The following CRISPLD2 variants were observed in gnomAD, a reference collection of about 807,000 sequenced individuals.
The protein encoded by CRISPLD2 is cysteine rich secretory protein LCCL domain containing 2, also known as cysteine-rich secretory protein LCCL domain-containing 2.
In CRISPLD2, 47 loss-of-function variants were observed where a neutral mutation model predicts 71.1. The observed-to-expected ratio is 0.66, with a 90% CI of 0.52 to 0.84. The LOEUF (loss-of-function observed/expected upper bound fraction) is 0.84. Ranked by LOEUF, CRISPLD2 falls within the 40% of genes least tolerant of loss-of-function variation. CRISPLD2 has a pLI of 0.00. For synonymous variants in CRISPLD2, 317 were observed against 250.1 expected (o/e 1.27, Z -2.52); for missense variants, 830 against 651.1 (o/e 1.27, Z -2.99).
intron 2 of CRISPLD2, among the ~76,000 whole-genome samples, chr16:84,843,769 AG>A (rs1916838105): frequency 6.6e-6 from 1 of 152,258 alleles, no homozygotes; most frequent in Admixed American, 6.5e-5. Context: ...ACAGTATGCA[AG>A]GCAGGAAGAG....
intron 1 of CRISPLD2, among the ~76,000 whole-genome samples, chr16:84,831,176 A>G (rs958442947): frequency 1.3e-5 from 2 of 152,208 alleles, no homozygotes; most frequent in Admixed American, 1.3e-4. Context: ...AAGAGGACAG[A>G]GCTCCATGAC....
At chr16:84,833,074 C>A (rs1046709701) in intron 1 of CRISPLD2, among the ~76,000 whole-genome samples, 7 of 152,226 alleles carry the variant, frequency 4.6e-5, no homozygotes, top group African/African-American at 1.4e-4. Flanking sequence ...TTTAAACTAG[C>A]CACACAGTCT....
At chr16:84,835,002 C>G (rs1448285707) in intron 1 of CRISPLD2, among the ~76,000 whole-genome samples, 1 of 152,150 alleles carries the variant, frequency 6.6e-6, no homozygotes. Context: ...AGCTCAAACC[C>G]ATAGCTGTGT....
At chr16:84,844,998 A>G (rs1041475466) in intron 2 of CRISPLD2, among the ~76,000 whole-genome samples, 1 of 152,106 alleles carries the variant, frequency 6.6e-6, no homozygotes. Flanking sequence ...CAGCATTCAG[A>G]GCGCCAATCC....
At position 84,820,079 on chromosome 16, in the gene CRISPLD2, C is replaced by G. The variant is rs917248860; in HGVS notation, c.-129C>G. The G allele has an allele frequency of 3.3e-5, 5 of 152,532 alleles. No homozygotes were observed. In the East Asian group the frequency reaches 5.8e-4, roughly 18 times the overall value. The allele number at this position is 152,532 out of a possible 1,614,324, so 9.4% of individuals were successfully genotyped here. A position where few individuals can be genotyped will look rare whatever the true frequency, so the allele number is the denominator to read the frequency against. ...GTGCCCGCGCTGTCGCCGCTGCTAC[C>G]GCGTCTGCTGGACGCGGGAGACGCC... On this transcript the variant is annotated 5_prime_UTR_variant, in exon 1 of 15. Transcript: ENST00000262424.
intron 12 of CRISPLD2, 54 bp from the exon 13 acceptor site, chr16:84,880,455 G>C (rs2071558186): frequency 8.6e-6 from 12 of 1,390,816 alleles, no homozygotes; most frequent in African/African-American, 1.4e-5. Flanking sequence ...GCCAGCTTAA[G>C]AAGTTTGGTT....
Position 84,880,604 on chromosome 16 carries a change from A to C in CRISPLD2, c.1305+20A>C. On this transcript the variant is annotated intron_variant, in intron 13 of 14. Transcript: ENST00000262424. ...GCAGATGTGAGTAGGATGCATTTTC[A>C]ACAACTATCTCGCAAAGCCTGTTAA... 6.2e-7 allele frequency: 1 copy of C among 1,606,320 alleles called. No homozygotes were observed.
intron 13 of CRISPLD2, among the ~76,000 whole-genome samples, chr16:84,885,943 C>T (rs907404977): frequency 9.2e-5 from 14 of 151,722 alleles, no homozygotes; most frequent in Admixed American, 5.9e-4. Context: ...CTCAGCCACC[C>T]GTGTAGCTGG....
chr16:84,880,461 T>G lies in CRISPLD2; in HGVS notation c.1230-48T>G, dbSNP rs997455311. The G allele has an allele frequency of 2.1e-6, 3 of 1,447,336 alleles. No individual in the cohort carries two copies. In the African/African-American group the frequency reaches 4.2e-5, roughly 20 times the overall value. The allele number at this position is 1,447,336 out of a possible 1,614,324, so 89.7% of individuals were successfully genotyped here. ...ATAAAGAGAGCCAGCTTAAGAAGTT[T>G]GGTTTTCTGTGCTCAGACCCATCAC... On this transcript the variant is annotated intron_variant, in intron 12 of 14. Transcript: ENST00000262424.
chr16:84,856,061 A>G (rs112584826), intron 6 of CRISPLD2, among the ~76,000 whole-genome samples: 3,209 of 152,302 alleles, frequency 0.021, 106 homozygotes, highest in African/African-American at 0.074. Context: ...ATTGATGACT[A>G]CCTTCTTCTA....
intron 1 of CRISPLD2, among the ~76,000 whole-genome samples, chr16:84,830,343 C>G (rs920129618): frequency 1.3e-5 from 2 of 151,970 alleles, no homozygotes; most frequent in South Asian, 4.2e-4. Context: ...AAATAAAATT[C>G]AGTAAAAAAT....
chr16:84,826,562 T>C (rs1212731999), intron 1 of CRISPLD2, among the ~76,000 whole-genome samples: 1 of 152,184 alleles, frequency 6.6e-6, no homozygotes, highest in African/African-American at 2.4e-5. Context: ...CTCTCCCTCC[T>C]GCCCCAGGCC....
rs1357182742 is a variant in CRISPLD2, at chr16:84,873,132, C to T, written c.1112+10C>T. On this transcript the variant is annotated intron_variant, in intron 10 of 14. Coordinates refer to ENST00000262424, the MANE Select transcript of CRISPLD2 (RefSeq NM_031476.4). ...GCGTGCAGTCCCTCAGGTAACTACT[C>T]TGTGATCGGGGCTCTGTGAAACGGT... 6.2e-7 allele frequency: 1 copy of T among 1,608,818 alleles called. No individual in the cohort carries two copies. The highest frequency in any genetic ancestry group is 8.5e-7 in the Non-Finnish European group (1 of 1,178,030).
chr16:84,845,981 T>A, intron 3 of CRISPLD2, 77 bp downstream of exon 3: 1 of 910,698 alleles, frequency 1.1e-6, no homozygotes, highest in Non-Finnish European at 1.7e-6. Flanking sequence ...GTGCCCCTTA[T>A]CAAGTTTAGC....
intron 5 of CRISPLD2, among the ~76,000 whole-genome samples, chr16:84,854,260 T>A (rs1917170912): frequency 6.6e-6 from 1 of 151,744 alleles, no homozygotes; most frequent in African/African-American, 2.4e-5. Flanking sequence ...GGAGATGGGG[T>A]GAGGAGTGCA....
chr16:84,848,181 C>T (rs925628571), intron 3 of CRISPLD2, among the ~76,000 whole-genome samples: 11 of 152,182 alleles, frequency 7.2e-5, no homozygotes, highest in Non-Finnish European at 1.3e-4. Flanking sequence ...GTCTGCGTGA[C>T]CTTGAGCCGC....
chr16:84,874,330 C>T (rs192145341), intron 11 of CRISPLD2, among the ~76,000 whole-genome samples: 22 of 152,282 alleles, frequency 1.4e-4, no homozygotes, highest in Admixed American at 1.2e-3. Flanking sequence ...TCCATCTGGG[C>T]TTAGTGGAAA....
At chr16:84,876,516 G>A (rs1302632293) in intron 11 of CRISPLD2, among the ~76,000 whole-genome samples, 2 of 147,884 alleles carry the variant, frequency 1.4e-5, no homozygotes, top group East Asian at 2.0e-4. Context: ...AAAAAAGGCC[G>A]GTGCAGTGGT....
chr16:84,831,958 C>G (rs1318905193), intron 1 of CRISPLD2, among the ~76,000 whole-genome samples: 1 of 152,242 alleles, frequency 6.6e-6, no homozygotes, highest in Non-Finnish European at 1.5e-5. Flanking sequence ...TGCTCTTGAT[C>G]TCCTGACCTC....
Sources: gnomAD v4.1 joint callset for allele counts (sites outside exome capture counted in the v4.1 genomes callset) on GRCh38, gnomAD v4.1.1 for gene constraint, MANE v1.5 for transcripts, NCBI Gene and HGNC (gene_info 2026-07-23, HGNC 2026-07-21) for gene names.